Variants in HCRTR1 observed in about 807,000 individuals in gnomAD.
The protein encoded by HCRTR1 is hypocretin receptor 1.
In HCRTR1, 28 loss-of-function variants were observed where a neutral mutation model predicts 40.6. The ratio of observed to expected loss-of-function variants is 0.69; its 90% CI spans 0.51 to 0.95. HCRTR1 has a LOEUF of 0.95. HCRTR1 is among the 40% of genes least tolerant of loss of function. HCRTR1 has a pLI of 0.00. For synonymous variants in HCRTR1, 209 were observed against 230.0 expected (o/e 0.91, Z 0.83); for missense variants, 482 against 564.7 (o/e 0.85, Z 1.48).
intron 6 of HCRTR1, among the ~76,000 whole-genome samples, chr1:31,622,495 C>T (rs944026523): frequency 6.6e-6 from 1 of 152,054 alleles, no homozygotes; most frequent in African/African-American, 2.4e-5. Flanking sequence ...CTGTAGTCCA[C>T]CAACACTCAT....
Position 31,625,256 on chromosome 1 carries a change from G to A in HCRTR1, c.1087+138G>A. On this transcript the variant is annotated intron_variant, in intron 8 of 8. Transcript: ENST00000403528. This position sits in a 1 kb window ranked among gnomAD's most constrained non-coding sequence, Gnocchi z 4.2. ...CTGTGGGCACAGTGATCCTGCTCTG[G>A]GAGGACCCACCCCAAGCGGCCCTGG... The A allele has an allele frequency of 1.8e-6, 2 of 1,117,282 alleles. No individual in the cohort carries two copies. Among genetic ancestry groups the A allele is most frequent in the Non-Finnish European group, 2.4e-6 (2 of 817,470 alleles). The allele number at this position is 1,117,282 out of a possible 1,614,324, so 69.2% of individuals were successfully genotyped here.
chr1:31,631,623 T>C (rs1640105873), downstream of HCRTR1, among the ~76,000 whole-genome samples: 1 of 152,154 alleles, frequency 6.6e-6, no homozygotes, highest in Non-Finnish European at 1.5e-5. Flanking sequence ...GGGTGTGGAA[T>C]TATAAATAGT....
At chr1:31,633,817 T>C (rs551802620), downstream of HCRTR1, among the ~76,000 whole-genome samples, 2 of 152,122 alleles carry the variant, frequency 1.3e-5, no homozygotes, top group African/African-American at 4.8e-5. Flanking sequence ...TAGCCGGGCA[T>C]GGTGGCACAT....
chr1:31,625,124 C>T lies in HCRTR1; in HGVS notation c.1087+6C>T, dbSNP rs41527749. The stretch of plus-strand genomic sequence containing the variant: ...CATCTACAACTTCCTCAGTGGTGAG[C>T]AGGCTGGGGATGCAAAATGACTGAG... On this transcript the variant is annotated splice_donor_region_variant and intron_variant, in intron 8 of 8. Coordinates refer to ENST00000403528, the MANE Select transcript of HCRTR1 (RefSeq NM_001525.3). This position sits in a 1 kb window ranked among gnomAD's most constrained non-coding sequence, Gnocchi z 4.2. 0.065 allele frequency: 104,907 copies of T among 1,604,146 alleles called. 4,040 individuals are homozygous for T. The highest frequency in any genetic ancestry group is 0.16 in the African/African-American group (11,902 of 74,828).
Position 31,627,415 on chromosome 1 carries a change from T to C in HCRTR1, c.*435T>C. 1 of 1,202,978 alleles carries C rather than the reference T, an allele frequency of 8.3e-7. No homozygotes were observed. Among genetic ancestry groups the C allele is most frequent in the South Asian group, 1.3e-5 (1 of 79,266 alleles). 74.5% of individuals were successfully genotyped at this position (1,202,978 alleles called of 1,614,324 possible). A position where few individuals can be genotyped will look rare whatever the true frequency, so the allele number is the denominator to read the frequency against. Reference sequence around the variant, plus strand: ...CCCAGGGCTGCACTTGGCCAGCTGTTCTGATGCCTGTGTGAACTAATCTGG... The same window carrying C: ...CCCAGGGCTGCACTTGGCCAGCTGTCCTGATGCCTGTGTGAACTAATCTGG... On this transcript the variant is annotated 3_prime_UTR_variant, in exon 9 of 9. Coordinates refer to ENST00000403528, the MANE Select transcript of HCRTR1 (RefSeq NM_001525.3).
intron 5 of HCRTR1, 29 bp from the exon 6 acceptor site, chr1:31,621,448 C>A: frequency 6.6e-7 from 1 of 1,520,382 alleles, no homozygotes; most frequent in African/African-American, 1.4e-5. Flanking sequence ...ACGGATTGGG[C>A]CTGACTCTGC....
At position 31,620,846 on chromosome 1, in the gene HCRTR1, G is replaced by A; in HGVS notation, c.382G>A (p.Val128Met). ...ACGTTGTGTCCCCGTGGGGCAGGCT[G>A]TGTCCGTGTCAGTGGCAGTGCTAAC... ...LCKVIPYLQA[V>M]SVSVAVLTLS... The change falls in exon 5 of 9, where the codon GTG (valine) becomes ATG (methionine). Residue 128 changes from valine (V) to methionine (M), a missense_variant. By Grantham distance (21) the Val-to-Met change is conservative. Transcript: ENST00000403528. 2 of 1,613,432 alleles carry A rather than the reference G, an allele frequency of 1.2e-6. No homozygotes were observed. Among genetic ancestry groups the A allele is most frequent in the Admixed American group, 1.7e-5 (1 of 60,002 alleles).
Position 31,626,923 on chromosome 1 carries a change from C to A in HCRTR1, c.1221C>A (p.Ser407=), listed in dbSNP as rs545520186. ...CCTTGTCCTTGCAGAGCCGATGCTC[C>A]ATCTCCAAAATCTCTGAGCATGTGG... ...HKSLSLQSRC[S]ISKISEHVVL... Residue 407 remains serine, a synonymous_variant, in exon 9 of 9, where the codon TCC becomes TCA. Coordinates refer to ENST00000403528, the MANE Select transcript of HCRTR1 (RefSeq NM_001525.3). The surrounding 1 kb of genome is among the most constrained non-coding windows in gnomAD (Gnocchi z 4.6). The A allele has an allele frequency of 5.6e-6, 9 of 1,613,784 alleles. No individual in the cohort carries two copies. Among genetic ancestry groups the A allele is most frequent in the Non-Finnish European group, 7.6e-6 (9 of 1,180,034 alleles).
chr1:31,619,374 T>G lies in HCRTR1; in HGVS notation c.182T>G (p.Leu61Arg), dbSNP rs1162394477. 1 of 1,614,068 alleles carries G rather than the reference T, an allele frequency of 6.2e-7. No individual in the cohort carries two copies. Among genetic ancestry groups the G allele is most frequent in the African/African-American group, 1.3e-5 (1 of 74,942 alleles). The change falls in exon 3 of 9, where the codon CTG (leucine) becomes CGG (arginine). Residue 61 changes from leucine to arginine, a missense_variant. Coordinates refer to ENST00000403528, the MANE Select transcript of HCRTR1 (RefSeq NM_001525.3). The part of the protein sequence containing the change: ...AAYVAVFVVA[L>R]VGNTLVCLAV... The stretch of plus-strand genomic sequence containing the variant: ...TATGTGGCTGTGTTCGTCGTGGCCC[T>G]GGTGGGCAACACGCTGGGTAGGTCC...
At chr1:31,618,374 G>T in intron 1 of HCRTR1, among the ~76,000 whole-genome samples, 1 of 152,174 alleles carries the variant, frequency 6.6e-6, no homozygotes, top group Non-Finnish European at 1.5e-5. Context: ...AGGGGGCCTG[G>T]ATGCTCCCCT....
chr1:31,627,318 T>C lies in HCRTR1; in HGVS notation c.*338T>C, dbSNP rs202141373. Reference sequence around the variant, plus strand: ...CCTAAAGACCCCTTTCCTACCCAATTACAGGCCTTCCCTGGAGTCTGCTCT... The same window carrying C: ...CCTAAAGACCCCTTTCCTACCCAATCACAGGCCTTCCCTGGAGTCTGCTCT... On this transcript the variant is annotated 3_prime_UTR_variant, in exon 9 of 9. Transcript: ENST00000403528. 7 of 1,239,208 alleles carry C rather than the reference T, an allele frequency of 5.6e-6. No homozygotes were observed. The highest frequency in any genetic ancestry group is 7.3e-6 in the Non-Finnish European group (7 of 964,746). The allele number at this position is 1,239,208 out of a possible 1,614,324, so 76.8% of individuals were successfully genotyped here.
downstream of HCRTR1, chr1:31,632,439 G>A (rs753894884): frequency 8.1e-5 from 130 of 1,612,880 alleles, no homozygotes; most frequent in Non-Finnish European, 1.1e-4. Flanking sequence ...ATCTTAGGGT[G>A]TAAAGAGAAG....
chr1:31,633,076 TCCACC>T, downstream of HCRTR1: 4 of 1,462,186 alleles, frequency 2.7e-6, no homozygotes, highest in Non-Finnish European at 3.7e-6. Flanking sequence ...CTTCAGAATG[TCCACC>T]CACCCACCTA....
downstream of HCRTR1, chr1:31,632,543 AC>A (rs1418591227): frequency 6.2e-7 from 1 of 1,614,208 alleles, no homozygotes; most frequent in Admixed American, 1.7e-5. Flanking sequence ...TCCCGGTCAT[AC>A]TGCTGGAAGA....
chr1:31,620,527 C>A (rs1639830247), intron 4 of HCRTR1, among the ~76,000 whole-genome samples: 1 of 152,172 alleles, frequency 6.6e-6, no homozygotes. Flanking sequence ...GAACAGTGCC[C>A]AGCACATAGT....
At chr1:31,628,606 A>C (rs1640023482), downstream of HCRTR1, among the ~76,000 whole-genome samples, 1 of 152,248 alleles carries the variant, frequency 6.6e-6, no homozygotes, top group Non-Finnish European at 1.5e-5. Context: ...AGAGACTACA[A>C]TTGGCACCAT....
downstream of HCRTR1, among the ~76,000 whole-genome samples, chr1:31,628,083 G>A (rs775792459): frequency 5.3e-5 from 8 of 152,112 alleles, no homozygotes; most frequent in African/African-American, 1.9e-4. Context: ...AGAGAAGGAC[G>A]TGGAGTGCAG....
chr1:31,624,270 G>C (rs978150793), intron 7 of HCRTR1, among the ~76,000 whole-genome samples: 1 of 152,030 alleles, frequency 6.6e-6, no homozygotes, highest in African/African-American at 2.4e-5. Flanking sequence ...ATCAGCCCGG[G>C]CAACATAATG....
rs200156592 is a variant in HCRTR1, at chr1:31,626,767, G to A, written c.1088-23G>A. 1.7e-3 allele frequency: 2,756 copies of A among 1,608,184 alleles called. 7 individuals carry two copies. The highest frequency in any genetic ancestry group is 1.5e-3 in the Non-Finnish European group (1,763 of 1,176,940). On this transcript the variant is annotated intron_variant, in intron 8 of 8. Transcript: ENST00000403528. The surrounding 1 kb of genome is among the most constrained non-coding windows in gnomAD (Gnocchi z 4.6). ...CTGCTGCATCTGTCTCCTTATGGCT[G>A]TGTCTTTTGTCTCCCAACCAAGGCA...
Sources: allele counts gnomAD v4.1 joint callset (sites outside exome capture counted in the v4.1 genomes callset), GRCh38; gene constraint gnomAD v4.1.1; non-coding constraint Gnocchi (gnomAD v3.1); transcripts MANE v1.5; gene names NCBI Gene and HGNC (gene_info 2026-07-23, HGNC 2026-07-21).